CCDC3: variants seen among roughly 807,000 people sequenced by gnomAD.
The protein encoded by CCDC3 is coiled-coil domain-containing protein 3.
Under a neutral mutation model 21.4 loss-of-function variants are expected in CCDC3, and 24 were observed. The observed-to-expected ratio is 1.12, with a 90% confidence interval of 0.81 to 1.58. The LOEUF (loss-of-function observed/expected upper bound fraction) is 1.58. CCDC3 is among the 40% of genes most tolerant of loss of function. The pLI, the probability that CCDC3 is intolerant of heterozygous loss-of-function variation, is 0.00. For synonymous variants in CCDC3, 186 were observed against 166.0 expected (o/e 1.12, Z -0.93); for missense variants, 425 against 360.9 (o/e 1.18, Z -1.44).
At chr10:13,092,022 G>A (rs1416937481) in intron 3 of CCDC3, among the ~76,000 whole-genome samples, 2 of 152,170 alleles carry the variant, frequency 1.3e-5, no homozygotes, top group East Asian at 1.9e-4. Flanking sequence ...GGGAGGAGAG[G>A]GGAGGGTGGC....
At chr10:13,054,596 A>T (rs1836657910) in intron 4 of CCDC3, among the ~76,000 whole-genome samples, 2 of 152,090 alleles carry the variant, frequency 1.3e-5, no homozygotes. Context: ...TTTCAAACTC[A>T]TTATGCCGAG....
At chr10:12,902,676 A>G (rs1228221596) in intron 2 of CCDC3, among the ~76,000 whole-genome samples, 1 of 152,298 alleles carries the variant, frequency 6.6e-6, no homozygotes, top group African/African-American at 2.4e-5. Context: ...TGCGTTTAAA[A>G]ATCGTGAAAA....
chr10:13,093,247 T>C (rs1042842108), intron 3 of CCDC3, among the ~76,000 whole-genome samples: 2 of 152,092 alleles, frequency 1.3e-5, no homozygotes, highest in South Asian at 4.1e-4. Context: ...AAAGCACATC[T>C]TACATGGCGG....
intron 2 of CCDC3, among the ~76,000 whole-genome samples, chr10:12,940,958 G>A (rs544116980): frequency 3.2e-5 from 4 of 123,260 alleles, no homozygotes; most frequent in Middle Eastern, 4.3e-3. Context: ...GATACTCTGT[G>A]GGTGTGGTCA....
intron 5 of CCDC3, among the ~76,000 whole-genome samples, chr10:13,031,335 C>T (rs1459386490): frequency 6.6e-6 from 1 of 152,110 alleles, no homozygotes; most frequent in African/African-American, 2.4e-5. Context: ...CTCTGGGACA[C>T]ATTTAAAGCA....
At chr10:13,038,965 A>C (rs1028348079) in intron 5 of CCDC3, among the ~76,000 whole-genome samples, 1 of 152,166 alleles carries the variant, frequency 6.6e-6, no homozygotes. Flanking sequence ...CCCGCAATCC[A>C]GAAGAACCTA....
At chr10:13,065,603 C>T in intron 4 of CCDC3, among the ~76,000 whole-genome samples, 1 of 152,166 alleles carries the variant, frequency 6.6e-6, no homozygotes, top group Non-Finnish European at 1.5e-5. Context: ...AATGCTGTTT[C>T]CTTCTCTTCG....
At chr10:12,951,237 A>C (rs1835003706) in intron 2 of CCDC3, among the ~76,000 whole-genome samples, 1 of 152,198 alleles carries the variant, frequency 6.6e-6, no homozygotes, top group Middle Eastern at 3.2e-3. Context: ...TTAGCTGGAC[A>C]TGGTGGTGTG....
At chr10:12,969,341 T>C (rs1004585434) in intron 2 of CCDC3, among the ~76,000 whole-genome samples, 1 of 152,098 alleles carries the variant, frequency 6.6e-6, no homozygotes, top group Non-Finnish European at 1.5e-5. Flanking sequence ...AGAACCTTTG[T>C]AACAGTTGGT....
intron 2 of CCDC3, among the ~76,000 whole-genome samples, chr10:12,925,652 G>C (rs4750287): frequency 0.19 from 28,370 of 152,218 alleles, 2,860 homozygotes; most frequent in Middle Eastern, 0.24. Context: ...GAGTCACACA[G>C]AATAAACTCT....
chr10:13,031,691 C>T (rs1836305284), intron 5 of CCDC3, among the ~76,000 whole-genome samples: 1 of 152,074 alleles, frequency 6.6e-6, no homozygotes, highest in Non-Finnish European at 1.5e-5. Flanking sequence ...TACAAACTAC[C>T]ATCAGAGAAT....
At chr10:13,054,058 T>C (rs1014010812) in intron 4 of CCDC3, among the ~76,000 whole-genome samples, 2 of 150,190 alleles carry the variant, frequency 1.3e-5, no homozygotes, top group Non-Finnish European at 3.0e-5. Context: ...GACAGGGGAA[T>C]TGCTTAAACC....
chr10:12,917,158 G>C (rs1834370392), intron 2 of CCDC3, among the ~76,000 whole-genome samples: 1 of 147,894 alleles, frequency 6.8e-6, no homozygotes, highest in Non-Finnish European at 1.5e-5. Context: ...AGGTGATGTT[G>C]GAAATGTCCT....
intron 3 of CCDC3, among the ~76,000 whole-genome samples, chr10:13,095,040 C>T (rs192786538): frequency 6.6e-5 from 10 of 152,280 alleles, no homozygotes; most frequent in Admixed American, 2.0e-4. Flanking sequence ...TTCAACCATA[C>T]ACCTTGCTTC....
At chr10:13,039,856 C>T (rs187670729) in intron 5 of CCDC3, among the ~76,000 whole-genome samples, 17 of 151,126 alleles carry the variant, frequency 1.1e-4, no homozygotes, top group South Asian at 6.3e-4. Context: ...CTGTGACAGA[C>T]GTACTGGTGA....
At chr10:12,945,462 G>A (rs1237001032) in intron 2 of CCDC3, among the ~76,000 whole-genome samples, 1 of 152,012 alleles carries the variant, frequency 6.6e-6, no homozygotes, top group African/African-American at 2.4e-5. Context: ...TAGGATGCTT[G>A]TAAAAGTAGA....
chr10:13,094,368 C>G (rs1440435615), intron 3 of CCDC3, among the ~76,000 whole-genome samples: 1 of 152,028 alleles, frequency 6.6e-6, no homozygotes, highest in African/African-American at 2.4e-5. Context: ...AAGAGATTCT[C>G]CTACCTCAGC....
intron 5 of CCDC3, among the ~76,000 whole-genome samples, chr10:13,026,888 G>A (rs1021134536): frequency 6.6e-6 from 1 of 151,970 alleles, no homozygotes; most frequent in Non-Finnish European, 1.5e-5. Flanking sequence ...TGCCTGGGCC[G>A]CCCCCGAGGG....
chr10:13,013,149 C>T (rs1006899443), intron 5 of CCDC3, among the ~76,000 whole-genome samples: 8 of 152,280 alleles, frequency 5.3e-5, no homozygotes, highest in South Asian at 4.1e-4. Context: ...CTAGCTCTGT[C>T]GACCAAGAAG....
Sources: gnomAD v4.1 joint callset for allele counts (sites outside exome capture counted in the v4.1 genomes callset) on GRCh38, gnomAD v4.1.1 for gene constraint, MANE v1.5 for transcripts, NCBI Gene and HGNC (gene_info 2026-07-23, HGNC 2026-07-21) for gene names.